Variants in RNF128 observed in about 807,000 individuals in gnomAD.
RNF128 encodes the protein ring finger protein 128.
RNF128 carries 13 observed loss-of-function variants against 26.2 expected under a neutral mutation model. That is an observed-to-expected ratio of 0.50 (90% CI 0.32 to 0.79). RNF128 has a LOEUF of 0.79. Among genes scored for constraint, RNF128 ranks in the 30% least tolerant of loss-of-function variants. RNF128 has a pLI of 0.03. For missense variants in RNF128, 315 were observed against 349.7 expected (o/e 0.90, Z 0.79); for synonymous variants, 149 against 142.5 (o/e 1.05, Z -0.32).
rs113921251 is a variant in RNF128 at position 106,713,545 on chromosome X, A to G, written c.406+19137A>G. The stretch of plus-strand genomic sequence containing the variant: ...AAGCAAATCTTATTCTGAATGTTCT[A>G]GAGAAATGCTGTCCAACAGAACATT... On this transcript the variant is annotated intron_variant, in intron 1 of 6. Coordinates refer to the RNF128 transcript ENST00000324342. Among the ~76,000 whole-genome samples, 609 of 111,770 alleles carry G rather than the reference A, an allele frequency of 5.4e-3. 3 individuals are homozygous for G. Among genetic ancestry groups the G allele is most frequent in the Middle Eastern group, 0.019 (4 of 213 alleles).
intron 2 of RNF128, among the ~76,000 whole-genome samples, chrX:106,782,598 A>G (rs971541651): frequency 1.8e-5 from 2 of 112,146 alleles, no homozygotes; most frequent in African/African-American, 6.5e-5. Flanking sequence ...AAGTTATTTT[A>G]CTTTTTCAAC....
chrX:106,744,649 C>T (rs1299062647), intron 1 of RNF128, among the ~76,000 whole-genome samples: 4 of 110,440 alleles, frequency 3.6e-5, no homozygotes, highest in South Asian at 3.9e-4. Context: ...TTAGTAGAGA[C>T]GGGGTTTCAC....
chrX:106,737,603 A>G, intron 1 of RNF128, among the ~76,000 whole-genome samples: 1 of 111,584 alleles, frequency 9.0e-6, no homozygotes. Flanking sequence ...TTTTTTCCCA[A>G]ACATTTTTGA....
chrX:106,768,302 C>T (rs1017456048), intron 1 of RNF128, among the ~76,000 whole-genome samples: 7 of 112,018 alleles, frequency 6.2e-5, no homozygotes, highest in Admixed American at 1.9e-4. Flanking sequence ...ACCAGCTTCT[C>T]TTTGTACCTC....
chrX:106,710,235 T>A (rs1427939341), intron 1 of RNF128, among the ~76,000 whole-genome samples: 1 of 111,753 alleles, frequency 8.9e-6, no homozygotes, highest in East Asian at 2.8e-4. Flanking sequence ...CTAGAATTTG[T>A]TTTGAACAGA....
chrX:106,721,207 C>T (rs1929304786), intron 1 of RNF128, among the ~76,000 whole-genome samples: 1 of 111,992 alleles, frequency 8.9e-6, no homozygotes, highest in Admixed American at 9.5e-5. Context: ...GAGCAGCTGC[C>T]TGGAGTGGAG....
At chrX:106,769,331 A>G (rs1930320552) in intron 1 of RNF128, among the ~76,000 whole-genome samples, 1 of 110,425 alleles carries the variant, frequency 9.1e-6, no homozygotes, top group African/African-American at 3.3e-5. Context: ...GTCTCCCATT[A>G]TTATTGTGTG....
At chrX:106,738,459 G>A (rs1929637579) in intron 1 of RNF128, among the ~76,000 whole-genome samples, 1 of 111,334 alleles carries the variant, frequency 9.0e-6, no homozygotes, top group African/African-American at 3.3e-5. Flanking sequence ...CAGAAAAAAC[G>A]GAACATCCAT....
intron 2 of RNF128, among the ~76,000 whole-genome samples, chrX:106,783,124 T>C (rs1193549574): frequency 8.9e-6 from 1 of 111,758 alleles, no homozygotes; most frequent in Non-Finnish European, 1.9e-5. Flanking sequence ...ACTTATTTGC[T>C]GGTCAGGTAA....
rs760601145 is a variant in RNF128 at position 106,739,454 on chromosome X, C to T, written c.484+12057C>T. Among the ~76,000 whole-genome samples, 10 of 111,601 alleles carry T rather than the reference C, an allele frequency of 9.0e-5. No individual in the cohort carries two copies. In the East Asian group the frequency reaches 1.4e-3, roughly 16 times the overall value. ...GATTACAGGCATGAGCAACCATGCC[C>T]GGCCCTCATATTTTAACTGTGTCAA... On this transcript the variant is annotated intron_variant, in intron 1 of 6. Transcript: ENST00000255499.
intron 1 of RNF128, among the ~76,000 whole-genome samples, chrX:106,761,629 A>G (rs1258629878): frequency 9.0e-6 from 1 of 111,269 alleles, no homozygotes; most frequent in Non-Finnish European, 1.9e-5. Context: ...GTATGATCTC[A>G]TGAGTACTCA....
chrX:106,745,208 T>G (rs1929773915), intron 1 of RNF128, among the ~76,000 whole-genome samples: 1 of 111,471 alleles, frequency 9.0e-6, no homozygotes, highest in African/African-American at 3.3e-5. Context: ...TACAGCAAAA[T>G]TATCTAGAGG....
intron 1 of RNF128, among the ~76,000 whole-genome samples, chrX:106,700,751 C>T (rs1057375589): frequency 9.0e-6 from 1 of 111,424 alleles, no homozygotes; most frequent in Non-Finnish European, 1.9e-5. Context: ...TGCATATATA[C>T]GTACAGAAAA....
At chrX:106,723,266 T>C (rs1929344099), upstream of RNF128, among the ~76,000 whole-genome samples, 1 of 111,884 alleles carries the variant, frequency 8.9e-6, no homozygotes, top group Admixed American at 9.5e-5. Flanking sequence ...ATTGAGTCCG[T>C]ACGCTTTAAT....
chrX:106,757,760 T>C (rs1159122685), intron 1 of RNF128, among the ~76,000 whole-genome samples: 2 of 111,096 alleles, frequency 1.8e-5, no homozygotes, highest in Admixed American at 9.6e-5. Context: ...AAAAAAACCC[T>C]AAAAAATCTG....
At chrX:106,704,573 T>A (rs189563709) in intron 1 of RNF128, among the ~76,000 whole-genome samples, 282 of 110,914 alleles carry the variant, frequency 2.5e-3, no homozygotes, top group African/African-American at 9.1e-3. Flanking sequence ...AGAAGTCGTG[T>A]CCTCATGATA....
chrX:106,742,193 T>A lies in RNF128; in HGVS notation c.484+14796T>A, dbSNP rs1929713334. Among the ~76,000 whole-genome samples the A allele has an allele frequency of 2.7e-5, 3 of 111,688 alleles. No homozygotes were observed. In the South Asian group the frequency reaches 1.1e-3, roughly 42 times the overall value. ...GACTATTTCTGATATAGCAAATTTTTAAAATTCTATGTGAAGTACATTACA... is the reference window on the plus strand; with the variant it reads ...GACTATTTCTGATATAGCAAATTTTAAAAATTCTATGTGAAGTACATTACA... On this transcript the variant is annotated intron_variant, in intron 1 of 6. Coordinates refer to ENST00000255499, the MANE Select transcript of RNF128 (RefSeq NM_194463.2).
chrX:106,757,800 A>G (rs1041138635), intron 1 of RNF128, among the ~76,000 whole-genome samples: 1 of 112,178 alleles, frequency 8.9e-6, no homozygotes, highest in African/African-American at 3.2e-5. Flanking sequence ...TCATTGCAAT[A>G]AAAGCTATAT....
chrX:106,707,163 T>TA (rs1444289442), intron 1 of RNF128, among the ~76,000 whole-genome samples: 5 of 111,938 alleles, frequency 4.5e-5, no homozygotes, highest in African/African-American at 1.6e-4. Context: ...GCTTAAACAT[T>TA]AAAAAATACA....
Sources: gnomAD v4.1 joint callset for allele counts (sites outside exome capture counted in the v4.1 genomes callset) on GRCh38, gnomAD v4.1.1 for gene constraint, MANE v1.5 for transcripts, NCBI Gene and HGNC (gene_info 2026-07-23, HGNC 2026-07-21) for gene names.